IRF2: variants seen among roughly 807,000 people sequenced by gnomAD.
The protein encoded by IRF2 is interferon regulatory factor 2.
Under a neutral mutation model 40.6 loss-of-function variants are expected in IRF2, and 15 were observed. That is an observed-to-expected ratio of 0.37 (90% CI 0.25 to 0.57). The LOEUF is 0.57. Among genes scored for constraint, IRF2 ranks in the 20% least tolerant of loss-of-function variants. IRF2 has a pLI of 0.77. For synonymous variants in IRF2, 151 were observed against 165.5 expected, an observed-to-expected ratio of 0.91 and a Z score of 0.67; for missense variants, 317 against 455.7, an observed-to-expected ratio of 0.70 and a Z score of 2.77.
chr4:184,451,041 T>C (rs952513624), intron 1 of IRF2, among the ~76,000 whole-genome samples: 11 of 152,220 alleles, frequency 7.2e-5, no homozygotes, highest in African/African-American at 2.7e-4. Context: ...CCTCCTCCAT[T>C]TCTTTTATCA....
At chr4:184,389,509 T>C (rs188771037) in intron 8 of IRF2, among the ~76,000 whole-genome samples, 1 of 152,344 alleles carries the variant, frequency 6.6e-6, no homozygotes, top group East Asian at 1.9e-4. Flanking sequence ...AACTGCAGAA[T>C]GAACAAAGGC....
In IRF2 at chr4:184,408,257, A is replaced by G; in HGVS notation, c.430T>C (p.Ser144Pro). The G allele has an allele frequency of 6.2e-7, 1 of 1,609,544 alleles. No individual in the cohort carries two copies. Among genetic ancestry groups the G allele is most frequent in the Non-Finnish European group, 8.5e-7 (1 of 1,175,762 alleles). The change falls in exon 6 of 9, where the codon TCT (serine) becomes CCT (proline). Residue 144 changes from serine (S) to proline (P), a missense_variant. Around this residue, in one of 2 missense-constraint regions of IRF2, gnomAD observed 262 missense variants for 334.0 expected, o/e 0.78. Coordinates refer to ENST00000393593, the MANE Select transcript of IRF2 (RefSeq NM_002199.4). The surrounding 1 kb of genome is among the most constrained non-coding windows in gnomAD (Gnocchi z 4.9). ...CTTACTCCATTACTAAGCCCCAGAG[A>G]TGACTCAACTGGTTCTTGCTAGGAA... ...KHIKQEPVES[S>P]LGLSNGVSDL...
At chr4:184,463,033 A>G (rs116306303) in intron 1 of IRF2, among the ~76,000 whole-genome samples, 1,965 of 152,374 alleles carry the variant, frequency 0.013, 55 homozygotes, top group African/African-American at 0.043. Flanking sequence ...GGAAAAATTC[A>G]AATAATCTAA....
intron 1 of IRF2, among the ~76,000 whole-genome samples, chr4:184,453,002 A>T (rs1438958156): frequency 1.3e-5 from 2 of 152,134 alleles, no homozygotes; most frequent in Non-Finnish European, 1.5e-5. Flanking sequence ...CTTCCCAAGT[A>T]ATCTAATCAT....
intron 1 of IRF2, among the ~76,000 whole-genome samples, chr4:184,432,535 A>G (rs1737924929): frequency 6.6e-6 from 1 of 152,248 alleles, no homozygotes; most frequent in South Asian, 2.1e-4. Flanking sequence ...TCAGGCATGC[A>G]TTATAGTGCT....
chr4:184,468,394 G>T (rs1033609173), intron 1 of IRF2, among the ~76,000 whole-genome samples: 1 of 152,000 alleles, frequency 6.6e-6, no homozygotes, highest in Non-Finnish European at 1.5e-5. Flanking sequence ...GGCTGAGGCA[G>T]AAGAATCACT....
At chr4:184,466,153 C>G (rs1018974205) in intron 1 of IRF2, among the ~76,000 whole-genome samples, 1 of 151,040 alleles carries the variant, frequency 6.6e-6, no homozygotes, top group Non-Finnish European at 1.5e-5. Context: ...TGGGTTCAAG[C>G]GATTCTCCTG....
At chr4:184,424,362 C>T (rs1308658999) in intron 2 of IRF2, among the ~76,000 whole-genome samples, 1 of 152,154 alleles carries the variant, frequency 6.6e-6, no homozygotes, top group Admixed American at 6.5e-5. Flanking sequence ...ATATTTGCCC[C>T]CTATGACACT....
rs545272743 is a variant in IRF2, at chr4:184,388,569, A to C, written c.*189T>G. 1.4e-4 allele frequency: 80 copies of C among 592,408 alleles called. 1 individual carries two copies. In the South Asian group the frequency reaches 1.7e-3, roughly 13 times the overall value. 36.7% of individuals were successfully genotyped at this position (592,408 alleles called of 1,614,324 possible). On this transcript the variant is annotated 3_prime_UTR_variant, in exon 9 of 9. Coordinates refer to ENST00000393593, the MANE Select transcript of IRF2 (RefSeq NM_002199.4). The surrounding 1 kb of genome is among the most constrained non-coding windows in gnomAD (Gnocchi z 4.6). ...CAGGCTCTAGAAACACACGTCTACC[A>C]ATGGGCTGGAGTCCTGAGTTAAAGA...
intron 7 of IRF2, among the ~76,000 whole-genome samples, chr4:184,397,403 G>T (rs1363479530): frequency 6.6e-6 from 1 of 152,154 alleles, no homozygotes; most frequent in African/African-American, 2.4e-5. Context: ...GATGAAAAAC[G>T]TTCTGGAGGT....
chr4:184,400,430 G>C (rs762970693), intron 6 of IRF2, among the ~76,000 whole-genome samples: 1 of 152,012 alleles, frequency 6.6e-6, no homozygotes, highest in Non-Finnish European at 1.5e-5. Flanking sequence ...AGTATTCCAC[G>C]GTATAGGTGT....
intron 5 of IRF2, among the ~76,000 whole-genome samples, chr4:184,417,779 T>C (rs1737335132): frequency 6.6e-6 from 1 of 152,240 alleles, no homozygotes; most frequent in African/African-American, 2.4e-5. Context: ...TATAGAGGTC[T>C]ATAACATTTA....
Position 184,428,971 on chromosome 4 carries a change from C to G in IRF2, c.87+7G>C, listed in dbSNP as rs946200214. 6 of 1,612,832 alleles carry G rather than the reference C, an allele frequency of 3.7e-6. No homozygotes were observed. In the African/African-American group the frequency reaches 8.0e-5, roughly 22 times the overall value. On this transcript the variant is annotated splice_region_variant and intron_variant, in intron 2 of 8. Coordinates refer to ENST00000393593, the MANE Select transcript of IRF2 (RefSeq NM_002199.4). ...TCTCACACATACACCCACCCTGACC[C>G]ACTCACCTTGTTAAGCCACTTGAGC...
At chr4:184,461,763 A>T (rs1317842919) in intron 1 of IRF2, among the ~76,000 whole-genome samples, 1 of 146,896 alleles carries the variant, frequency 6.8e-6, no homozygotes, top group Non-Finnish European at 1.5e-5. Flanking sequence ...ATCGCAATGC[A>T]TTAAAAGCAC....
intron 1 of IRF2, among the ~76,000 whole-genome samples, chr4:184,430,121 T>C (rs1451820559): frequency 1.3e-5 from 2 of 152,228 alleles, no homozygotes; most frequent in Non-Finnish European, 2.9e-5. Context: ...CTGAAAATTC[T>C]ATTCCTTGGC....
chr4:184,397,432 C>G (rs145699783), intron 7 of IRF2, among the ~76,000 whole-genome samples: 4 of 151,836 alleles, frequency 2.6e-5, no homozygotes, highest in Non-Finnish European at 2.9e-5. Flanking sequence ...GTGATGGCTG[C>G]GACAACATTA....
rs1739641666 is a variant in IRF2, at chr4:184,474,211, G to C, written c.-7+168C>G. 6.6e-6 allele frequency: 1 copy of C among 152,388 alleles called. No individual in the cohort carries two copies. Among genetic ancestry groups the C allele is most frequent in the African/African-American group, 2.4e-5 (1 of 41,386 alleles). The allele number at this position is 152,388 out of a possible 1,614,324, so 9.4% of individuals were successfully genotyped here. A position where few individuals can be genotyped will look rare whatever the true frequency, so the allele number is the denominator to read the frequency against. ...CAGATGATCCATAATTGCGCCGACT[G>C]TTCCTCCAAAAATCAGTATTAATAT... is the stretch of plus-strand genomic sequence containing the variant. On this transcript the variant is annotated intron_variant, in intron 1 of 8. Coordinates refer to ENST00000393593, the MANE Select transcript of IRF2 (RefSeq NM_002199.4). This position sits in a 1 kb window ranked among gnomAD's most constrained non-coding sequence, Gnocchi z 5.6.
chr4:184,472,105 A>T (rs1394514494), intron 1 of IRF2: 1 of 152,256 alleles, frequency 6.6e-6, no homozygotes, highest in Admixed American at 6.5e-5. Context: ...TAGATGTTCC[A>T]ACGTTCCCCC....
chr4:184,439,070 AT>A, intron 1 of IRF2, among the ~76,000 whole-genome samples: 2 of 152,286 alleles, frequency 1.3e-5, no homozygotes, highest in East Asian at 3.9e-4. Context: ...TGCAAAACTG[AT>A]TTTTATGTTT....
Sources: allele counts gnomAD v4.1 joint callset (sites outside exome capture counted in the v4.1 genomes callset), GRCh38; gene constraint gnomAD v4.1.1; regional missense constraint gnomAD v4.1.1; non-coding constraint Gnocchi (gnomAD v3.1); transcripts MANE v1.5; gene names NCBI Gene and HGNC (gene_info 2026-07-23, HGNC 2026-07-21).